Variants in FER1L5 observed in about 807,000 individuals in gnomAD.
FER1L5 encodes the protein fer-1-like protein 5.
Under a neutral mutation model 279.9 loss-of-function variants are expected in FER1L5, and 187 were observed. The ratio of observed to expected loss-of-function variants is 0.67; its 90% CI spans 0.59 to 0.75. The LOEUF (loss-of-function observed/expected upper bound fraction) is 0.75. Among genes scored for constraint, FER1L5 ranks in the 30% least tolerant of loss-of-function variants. The pLI is 0.00. For missense variants in FER1L5, 2,091 were observed against 2,594.4 expected, an observed-to-expected ratio of 0.81 and a Z score of 4.21; for synonymous variants, 921 against 989.7, an observed-to-expected ratio of 0.93 and a Z score of 1.30.
chr2:96,697,411 G>C (rs2077420500), intron 37 of FER1L5, 115 bp from the exon 38 acceptor site: 1 of 1,165,946 alleles, frequency 8.6e-7, no homozygotes, highest in Admixed American at 2.0e-5. Flanking sequence ...AGGTCTATGT[G>C]AAAGGCAAGG....
At position 96,702,260 on chromosome 2, in the gene FER1L5, C is replaced by G. The variant is rs758574581; in HGVS notation, c.5160-46C>G. On this transcript the variant is annotated intron_variant, in intron 46 of 52. Coordinates refer to ENST00000624922, the MANE Select transcript of FER1L5 (RefSeq NM_001293083.2). This position sits in a 1 kb window ranked among gnomAD's most constrained non-coding sequence, Gnocchi z 4.0. ...TTCTCTGCCCTCACTGAGGCTGCAG[C>G]TGGGGAGCTCCTCCTCAGCAAAGCC... is the stretch of plus-strand genomic sequence containing the variant. 3 of 1,590,308 alleles carry G rather than the reference C, an allele frequency of 1.9e-6. No individual in the cohort carries two copies. The East Asian group carries it at 6.9e-5, about 37-fold the overall frequency.
chr2:96,700,875 C>T (rs1433147678), intron 45 of FER1L5, among the ~76,000 whole-genome samples: 2 of 152,166 alleles, frequency 1.3e-5, no homozygotes, highest in Non-Finnish European at 1.5e-5. Flanking sequence ...GCAAATAACC[C>T]CAAACAGAGA....
chr2:96,646,703 A>G (rs1044038900), intron 2 of FER1L5, among the ~76,000 whole-genome samples: 2 of 152,214 alleles, frequency 1.3e-5, no homozygotes, highest in African/African-American at 2.4e-5. Flanking sequence ...TGGCCTATCA[A>G]CCATCCAGCT....
intron 1 of FER1L5, 115 bp from the exon 2 acceptor site, chr2:96,646,286 C>G (rs1374826658): frequency 9.0e-7 from 1 of 1,112,056 alleles, no homozygotes; most frequent in Non-Finnish European, 1.3e-6. Context: ...GCGTTAGCCA[C>G]CATGCCCGGC....
chr2:96,703,688 G>GCCTATCATGGA, intron 51 of FER1L5, 56 bp downstream of exon 51: 3 of 1,535,818 alleles, frequency 2.0e-6, no homozygotes, highest in Non-Finnish European at 2.7e-6. Context: ...GTGTGTATGG[G>GCCTATCATGGA]GTGGTGACCA....
chr2:96,655,453 G>C (rs2075560663), intron 9 of FER1L5, among the ~76,000 whole-genome samples: 1 of 152,186 alleles, frequency 6.6e-6, no homozygotes, highest in South Asian at 2.1e-4. Context: ...GGACGTATGT[G>C]TATTAAGAAA....
intron 17 of FER1L5, among the ~76,000 whole-genome samples, chr2:96,669,410 G>C (rs1422568167): frequency 6.6e-6 from 1 of 152,200 alleles, no homozygotes; most frequent in Non-Finnish European, 1.5e-5. Flanking sequence ...AGGGCGCGAA[G>C]GACGGAGGAC....
chr2:96,700,267 C>T, intron 44 of FER1L5, 65 bp from the exon 45 acceptor site: 1 of 1,601,550 alleles, frequency 6.2e-7, no homozygotes, highest in South Asian at 1.1e-5. Context: ...AGGGTAAGAG[C>T]CTACCTAGGA....
intron 19 of FER1L5, among the ~76,000 whole-genome samples, chr2:96,681,715 T>TTGTG (rs1335104731): frequency 6.6e-6 from 1 of 152,124 alleles, no homozygotes; most frequent in Non-Finnish European, 1.5e-5. Flanking sequence ...TATTATTCTA[T>TTGTG]TGTGTGAACA....
Position 96,698,953 on chromosome 2 carries a change from A to G in FER1L5, c.4519-92A>G. 6.5e-7 allele frequency: 1 copy of G among 1,531,738 alleles called. No individual in the cohort carries two copies. Among genetic ancestry groups the G allele is most frequent in the Non-Finnish European group, 8.9e-7 (1 of 1,129,630 alleles). The allele number at this position is 1,531,738 out of a possible 1,614,324, so 94.9% of individuals were successfully genotyped here. On this transcript the variant is annotated intron_variant, in intron 41 of 52. Transcript: ENST00000624922. The surrounding 1 kb of genome is among the most constrained non-coding windows in gnomAD (Gnocchi z 5.5). The stretch of plus-strand genomic sequence containing the variant: ...CTCCCCATAGGCTCCGTGTGGTGCG[A>G]GGGGCTTGTTTCCACCCTCCTCCCA...
In FER1L5 at chr2:96,668,882, C is replaced by T. The variant is rs1277327649; in HGVS notation, c.1185-4C>T. 1.3e-6 allele frequency: 2 copies of T among 1,551,652 alleles called. No homozygotes were observed. The highest frequency in any genetic ancestry group is 1.7e-6 in the Non-Finnish European group (2 of 1,146,996). ...CTCAGCCTGAGGAGTGTGTTTCTCT[C>T]TAGCCGCAAGAAGGACTGCCCGGAT... is the stretch of plus-strand genomic sequence containing the variant. On this transcript the variant is annotated splice_polypyrimidine_tract_variant and splice_region_variant and intron_variant, in intron 15 of 52. Transcript: ENST00000624922.
rs1181798594 is a variant in FER1L5 at position 96,698,636 on chromosome 2, G to C, written c.4357-35G>C. 5 of 1,549,442 alleles carry C rather than the reference G, an allele frequency of 3.2e-6. No homozygotes were observed. Among genetic ancestry groups the C allele is most frequent in the Non-Finnish European group, 4.4e-6 (5 of 1,141,694 alleles). The stretch of plus-strand genomic sequence containing the variant: ...GGGCTTTACAGAGCTGGCCAGCACT[G>C]CCAGGCTGGGCCCCCAACACCCTCC... On this transcript the variant is annotated intron_variant, in intron 40 of 52. Transcript: ENST00000624922. This position sits in a 1 kb window ranked among gnomAD's most constrained non-coding sequence, Gnocchi z 5.5.
At position 96,693,653 on chromosome 2, in the gene FER1L5, T is replaced by C; in HGVS notation, c.3440T>C (p.Leu1147Pro). ...CAGGACACCAAAGAGAGCCCACCGC[T>C]TGTGGTGCTGGAGCTGTGGCAGCGT... Reference protein sequence around the residue: ...NPQDTKESPPLVVLELWQRDF... With the variant: ...NPQDTKESPPPVVLELWQRDF... The change falls in exon 32 of 53, where the codon CTT becomes CCT. Residue 1147 changes from leucine to proline, a missense_variant. Transcript: ENST00000624922. 6.4e-7 allele frequency: 1 copy of C among 1,551,664 alleles called. No individual in the cohort carries two copies. The highest frequency in any genetic ancestry group is 1.2e-5 in the South Asian group (1 of 84,062).
chr2:96,661,575 T>C (rs2075956031), intron 11 of FER1L5, 93 bp from the exon 12 acceptor site: 1 of 1,534,888 alleles, frequency 6.5e-7, no homozygotes, highest in South Asian at 1.2e-5. Flanking sequence ...CCATCCCCCC[T>C]GCACCAAGTG....
At position 96,702,134 on chromosome 2, in the gene FER1L5, G is replaced by GC; in HGVS notation, c.5159+91_5159+92insC. On this transcript the variant is annotated intron_variant, in intron 46 of 52. Transcript: ENST00000624922. The surrounding 1 kb of genome is among the most constrained non-coding windows in gnomAD (Gnocchi z 4.0). The stretch of plus-strand genomic sequence containing the variant: ...CACTGTCCTCAGGTACTGAGCTGCA[G>GC]TAATTCGTTTCTCTATTGGGAAGAG... 3 of 1,571,986 alleles carry GC rather than the reference G, an allele frequency of 1.9e-6. No individual in the cohort carries two copies. The highest frequency in any genetic ancestry group is 2.6e-6 in the Non-Finnish European group (3 of 1,152,512).
At chr2:96,673,007 C>T in intron 18 of FER1L5, 70 bp from the exon 19 acceptor site, 1 of 1,491,432 alleles carries the variant, frequency 6.7e-7, no homozygotes, top group Admixed American at 2.2e-5. Context: ...TCATCCTTGC[C>T]TCCCTGCCTG....
chr2:96,702,649 C>T lies in FER1L5; in HGVS notation c.5305C>T (p.His1769Tyr), dbSNP rs1302559388. The T allele has an allele frequency of 1.2e-6, 2 of 1,603,880 alleles. No homozygotes were observed. Among genetic ancestry groups the T allele is most frequent in the African/African-American group, 2.7e-5 (2 of 74,730 alleles). Residue 1769 changes from histidine (H) to tyrosine (Y), a missense_variant, in exon 48 of 53, where the codon CAC becomes TAC. Transcript: ENST00000624922. This position sits in a 1 kb window ranked among gnomAD's most constrained non-coding sequence, Gnocchi z 4.0. Reference sequence around the variant, plus strand: ...CATGCAGAAGACAGACATCCACTACCACTCGCTGACTGGGGAGGCCGACTT... The same window carrying T: ...CATGCAGAAGACAGACATCCACTACTACTCGCTGACTGGGGAGGCCGACTT... ...KDMQKTDIHY[H>Y]SLTGEADFNW...
Position 96,698,138 on chromosome 2 carries a change from C to T in FER1L5, c.4338C>T (p.Pro1446=), listed in dbSNP as rs560279635. ...LYQEQPKLDS[P]VVGEFKGLFR... ...AGGAGCAGCCCAAGTTGGACAGCCCCGTGGTAGGGGAGTTCAAGGTGTGTG... is the reference window on the plus strand; with the variant it reads ...AGGAGCAGCCCAAGTTGGACAGCCCTGTGGTAGGGGAGTTCAAGGTGTGTG... Residue 1446 remains proline (P), a synonymous_variant, in exon 40 of 53, where the codon CCC becomes CCT. Coordinates refer to ENST00000624922, the MANE Select transcript of FER1L5 (RefSeq NM_001293083.2). This position sits in a 1 kb window ranked among gnomAD's most constrained non-coding sequence, Gnocchi z 5.5. 3.2e-5 allele frequency: 50 copies of T among 1,568,776 alleles called. No individual in the cohort carries two copies. In the South Asian group the frequency reaches 4.7e-4, roughly 15 times the overall value.
At chr2:96,645,853 A>G (rs968927207) in intron 1 of FER1L5, among the ~76,000 whole-genome samples, 23 of 152,332 alleles carry the variant, frequency 1.5e-4, no homozygotes, top group African/African-American at 5.5e-4. Flanking sequence ...AAATGAAATG[A>G]ACATAGAGCA....
Sources: allele counts gnomAD v4.1 joint callset (sites outside exome capture counted in the v4.1 genomes callset), GRCh38; gene constraint gnomAD v4.1.1; non-coding constraint Gnocchi (gnomAD v3.1); transcripts MANE v1.5; gene names NCBI Gene and HGNC (gene_info 2026-07-23, HGNC 2026-07-21).